Variants in PAM observed in about 807,000 individuals in gnomAD.
PAM encodes the protein peptidylglycine alpha-amidating monooxygenase.
In PAM, 72 loss-of-function variants were observed where a neutral mutation model predicts 122.1. The ratio of observed to expected loss-of-function variants is 0.59; its 90% CI spans 0.49 to 0.72. The LOEUF (loss-of-function observed/expected upper bound fraction) is 0.72, where lower values mean the gene tolerates loss of function less well. Among genes scored for constraint, PAM ranks in the 30% least tolerant of loss-of-function variants. The pLI is 0.00. For synonymous variants in PAM, 389 were observed against 404.4 expected, an observed-to-expected ratio of 0.96 and a Z score of 0.46; for missense variants, 1,106 against 1,183.7, an observed-to-expected ratio of 0.93 and a Z score of 0.96.
At chr5:102,792,940 A>G (rs1762421258) in intron 1 of PAM, among the ~76,000 whole-genome samples, 3 of 152,278 alleles carry the variant, frequency 2.0e-5, no homozygotes, top group South Asian at 4.1e-4. Flanking sequence ...CTCCTAGTGG[A>G]GTCTAGTGTT....
chr5:102,904,871 A>G (rs992679365), intron 4 of PAM, among the ~76,000 whole-genome samples: 4 of 151,646 alleles, frequency 2.6e-5, no homozygotes, highest in African/African-American at 9.7e-5. Flanking sequence ...CATCTTAAAC[A>G]TACTTCTAAA....
intron 12 of PAM, among the ~76,000 whole-genome samples, chr5:102,953,649 GAC>G (rs1759721798): frequency 6.6e-6 from 1 of 152,110 alleles, no homozygotes; most frequent in African/African-American, 2.4e-5. Flanking sequence ...ACAGAAGAAT[GAC>G]TATAGTCAAT....
chr5:102,865,160 A>T (rs1785189443), intron 1 of PAM: 1 of 152,180 alleles, frequency 6.6e-6, no homozygotes, highest in African/African-American at 2.4e-5. Context: ...GAGATGCAGG[A>T]TTTTTAAATG....
intron 1 of PAM, among the ~76,000 whole-genome samples, chr5:102,822,144 A>AGG (rs1772155656): frequency 6.6e-6 from 1 of 152,244 alleles, no homozygotes; most frequent in African/African-American, 2.4e-5. Flanking sequence ...AAACCAAATA[A>AGG]TAACGATTAT....
chr5:102,770,814 A>G (rs1755549122), intron 1 of PAM, among the ~76,000 whole-genome samples: 1 of 151,852 alleles, frequency 6.6e-6, no homozygotes, highest in Admixed American at 6.6e-5. Context: ...TCTTTTTTTA[A>G]TGTATCTTTG....
At chr5:102,851,993 A>C (rs1781449295) in intron 1 of PAM, among the ~76,000 whole-genome samples, 1 of 152,228 alleles carries the variant, frequency 6.6e-6, no homozygotes, top group South Asian at 2.1e-4. Context: ...CTACTATGCC[A>C]AAAAAGCAGT....
intron 1 of PAM, among the ~76,000 whole-genome samples, chr5:102,811,647 G>A (rs984886170): frequency 1.6e-4 from 24 of 152,138 alleles, no homozygotes; most frequent in Admixed American, 6.5e-4. Flanking sequence ...TATTCTACCC[G>A]CCATTGAAGG....
In PAM at chr5:103,009,714, T is replaced by G. The variant is rs780037628; in HGVS notation, c.2216-37T>G. The G allele has an allele frequency of 2.8e-6, 3 of 1,075,620 alleles. No individual in the cohort carries two copies. In the South Asian group the frequency reaches 3.7e-5, roughly 13 times the overall value. The allele number at this position is 1,075,620 out of a possible 1,614,324, so 66.6% of individuals were successfully genotyped here. ...TATATTAGAAGTCCATTCTTACCCA[T>G]ATTTTAAAGAAAGGTTAACTGGATT... On this transcript the variant is annotated intron_variant, in intron 20 of 25. Transcript: ENST00000438793.
intron 16 of PAM, among the ~76,000 whole-genome samples, chr5:102,999,028 A>C (rs1335064126): frequency 6.6e-6 from 1 of 152,184 alleles, no homozygotes; most frequent in Non-Finnish European, 1.5e-5. Flanking sequence ...AACGTCCTTC[A>C]CATGATGGCA....
intron 14 of PAM, among the ~76,000 whole-genome samples, chr5:102,964,394 A>G (rs1248421610): frequency 6.6e-6 from 1 of 151,926 alleles, no homozygotes; most frequent in Non-Finnish European, 1.5e-5. Context: ...TCTCTGTAGA[A>G]CAAAATCTGG....
chr5:102,801,772 A>ATTTTTTTTTTTTTTTTTTTTTTTTT (rs36068804), intron 1 of PAM, among the ~76,000 whole-genome samples: 1 of 99,000 alleles, frequency 1.0e-5, no homozygotes, highest in Non-Finnish European at 1.9e-5. Flanking sequence ...GGGAAAAGGT[A>ATTTTTTTTTTTTTTTTTTTTTTTTT]TTTTTTTTTT....
intron 16 of PAM, among the ~76,000 whole-genome samples, chr5:102,997,259 T>C (rs114130096): frequency 2.5e-3 from 376 of 152,270 alleles, no homozygotes; most frequent in African/African-American, 8.2e-3. Context: ...CAACTTTTAA[T>C]TGTAAATATC....
At chr5:102,821,842 T>C (rs1772031554) in intron 1 of PAM, among the ~76,000 whole-genome samples, 1 of 152,178 alleles carries the variant, frequency 6.6e-6, no homozygotes, top group Non-Finnish European at 1.5e-5. Flanking sequence ...TAATATATAA[T>C]GAAAGCAATT....
rs146592864 is a variant in PAM at position 102,805,590 on chromosome 5, T to G, written c.-374+50242T>G. Among the ~76,000 whole-genome samples the G allele has an allele frequency of 8.6e-3, 1,306 of 152,326 alleles. 18 individuals are homozygous for G. The highest frequency in any genetic ancestry group is 0.03 in the African/African-American group (1,233 of 41,562). Reference sequence around the variant, plus strand: ...CAGGTCCGTTTCTAACCTCTGGACCTCATGCTTCTGTGGGTGTGTACTTCA... The same window carrying G: ...CAGGTCCGTTTCTAACCTCTGGACCGCATGCTTCTGTGGGTGTGTACTTCA... On this transcript the variant is annotated intron_variant, in intron 1 of 25. Coordinates refer to ENST00000438793, the MANE Select transcript of PAM (RefSeq NM_001177306.2).
chr5:102,950,339 AATTAAAGGTGAACTGTTTTTATCCGATG>A (rs1457276123), intron 11 of PAM, among the ~76,000 whole-genome samples: 21 of 151,862 alleles, frequency 1.4e-4, no homozygotes, highest in African/African-American at 3.6e-4. Flanking sequence ...AGAAGTTATT[AATTAAAGGTGAACTGTTTTTATCCGATG>A]ATTAAAGGTG....
rs564991321 is a variant in PAM at position 102,782,312 on chromosome 5, T to C, written c.-374+26964T>C. ...GTATGAAGTTCATAGCCGGAACGAA[T>C]CCAGATCTAAATTGAAAGGATTATA... On this transcript the variant is annotated intron_variant, in intron 1 of 25. Coordinates refer to ENST00000438793, the MANE Select transcript of PAM (RefSeq NM_001177306.2). Among the ~76,000 whole-genome samples the C allele has an allele frequency of 5.3e-5, 8 of 152,312 alleles. No individual in the cohort carries two copies. The South Asian group carries it at 1.7e-3, about 32-fold the overall frequency.
chr5:103,026,703 T>C (rs1192133709), intron 24 of PAM, among the ~76,000 whole-genome samples: 1 of 152,132 alleles, frequency 6.6e-6, no homozygotes, highest in Non-Finnish European at 1.5e-5. Context: ...TAAATTGTTG[T>C]TGAAAGAATG....
intron 14 of PAM, 109 bp from the exon 15 acceptor site, chr5:102,974,007 C>G: frequency 4.3e-6 from 3 of 697,442 alleles, no homozygotes; most frequent in South Asian, 2.1e-5. Context: ...GCAAACTTCT[C>G]TCTTATTTAT....
In PAM at chr5:103,025,282, C is replaced by T; in HGVS notation, c.2637C>T (p.Val879=). The change falls in exon 24 of 26, where the codon GTC becomes GTT. Residue 879 remains valine, a synonymous_variant. Coordinates refer to ENST00000438793, the MANE Select transcript of PAM (RefSeq NM_001177306.2). ...CCCTTCTGGTTATTCCGGTGGTTGT[C>T]CTGCTGGCCATTGCCATATTTATTC... The part of the protein sequence containing the change: ...ITTLLVIPVV[V]LLAIAIFIRW... The T allele has an allele frequency of 6.2e-7, 1 of 1,613,706 alleles. No individual in the cohort carries two copies. Among genetic ancestry groups the T allele is most frequent in the Non-Finnish European group, 8.5e-7 (1 of 1,179,726 alleles).
Sources: allele counts gnomAD v4.1 joint callset (sites outside exome capture counted in the v4.1 genomes callset), GRCh38; gene constraint gnomAD v4.1.1; transcripts MANE v1.5; gene names NCBI Gene and HGNC (gene_info 2026-07-23, HGNC 2026-07-21).